The following RBPJL variants were observed in gnomAD, a reference collection of about 807,000 sequenced individuals.
RBPJL encodes the protein recombination signal binding protein for immunoglobulin kappa J region like, also known as recombining binding protein suppressor of hairless-like protein.
Under a neutral mutation model 57.6 loss-of-function variants are expected in RBPJL, and 50 were observed. The ratio of observed to expected loss-of-function variants is 0.87; its 90% CI spans 0.69 to 1.10. The LOEUF is 1.10. Ranked by LOEUF, RBPJL falls within the 50% of genes least tolerant of loss-of-function variation. The pLI is 0.00. For synonymous variants in RBPJL, 303 were observed against 294.4 expected, an observed-to-expected ratio of 1.03 and a Z score of -0.30; for missense variants, 684 against 693.7, an observed-to-expected ratio of 0.99 and a Z score of 0.16.
At chr20:45,310,713 T>C (rs1356720189) in intron 3 of RBPJL, among the ~76,000 whole-genome samples, 1 of 151,884 alleles carries the variant, frequency 6.6e-6, no homozygotes, top group African/African-American at 2.4e-5. Context: ...GGAGGAGTTG[T>C]AGGAAACAAG....
At chr20:45,314,629 T>TCCCTG in intron 9 of RBPJL, 64 bp downstream of exon 9, 1 of 1,502,204 alleles carries the variant, frequency 6.7e-7, no homozygotes. Context: ...AACCACAGAA[T>TCCCTG]GTAAGATCAT....
rs1216351506 is a variant in RBPJL at position 45,313,682 on chromosome 20, G to A, written c.757+77G>A. 2.1e-6 allele frequency: 3 copies of A among 1,412,420 alleles called. No homozygotes were observed. The African/African-American group carries it at 4.3e-5, about 20-fold the overall frequency. The allele number at this position is 1,412,420 out of a possible 1,614,324, so 87.5% of individuals were successfully genotyped here. On this transcript the variant is annotated intron_variant, in intron 7 of 11. Transcript: ENST00000343694. ...TTTAACCTCCACCACAACTCCTTAA[G>A]GAAGGTAAACTCTGCCCCATGTGAT...
intron 6 of RBPJL, 141 bp from the exon 7 acceptor site, chr20:45,313,327 T>A: frequency 2.0e-6 from 1 of 499,452 alleles, no homozygotes; most frequent in Non-Finnish European, 3.3e-6. Flanking sequence ...TCACCCTCAC[T>A]CTAACCCTCA....
chr20:45,314,705 G>A, intron 9 of RBPJL, 140 bp downstream of exon 9: 1 of 731,780 alleles, frequency 1.4e-6, no homozygotes, highest in Non-Finnish European at 2.2e-6. Context: ...TAGACTCCCA[G>A]GACAGAATCA....
chr20:45,313,916 A>T, intron 7 of RBPJL, 119 bp from the exon 8 acceptor site: 1 of 781,374 alleles, frequency 1.3e-6, no homozygotes, highest in Non-Finnish European at 2.2e-6. Context: ...CCTGAGTACC[A>T]AGCTTTCCCG....
Position 45,312,429 on chromosome 20 carries a change from C to T in RBPJL, c.619+34C>T, listed in dbSNP as rs1168404340. The stretch of plus-strand genomic sequence containing the variant: ...GGCGGGGCCTGACCCCCGGCCCGGG[C>T]GGGGAGGTGCAACCAAGCCCAGAAC... On this transcript the variant is annotated intron_variant, in intron 6 of 11. Transcript: ENST00000343694. 12 of 1,592,992 alleles carry T rather than the reference C, an allele frequency of 7.5e-6. No individual in the cohort carries two copies. In the African/African-American group the frequency reaches 8.0e-5, roughly 11 times the overall value.
Sources: allele counts gnomAD v4.1 joint callset (sites outside exome capture counted in the v4.1 genomes callset), GRCh38; gene constraint gnomAD v4.1.1; transcripts MANE v1.5; gene names NCBI Gene and HGNC (gene_info 2026-07-23, HGNC 2026-07-21).